DACH1: variants seen among roughly 807,000 people sequenced by gnomAD.
The protein encoded by DACH1 is dachshund homolog 1.
In DACH1, 12 loss-of-function variants were observed where a neutral mutation model predicts 54.2. That is an observed-to-expected ratio of 0.22 (90% CI 0.14 to 0.36). DACH1 has a LOEUF of 0.36. DACH1 is among the 10% of genes least tolerant of loss of function. The probability of loss-of-function intolerance (pLI) is 1.00; values close to 1 mark genes in which losing one functional copy is unlikely to be tolerated. For synonymous variants in DACH1, 386 were observed against 366.2 expected, an observed-to-expected ratio of 1.05 and a Z score of -0.62; for missense variants, 805 against 929.8, an observed-to-expected ratio of 0.87 and a Z score of 1.75.
At chr13:71,773,911 A>C (rs1448677329) in intron 1 of DACH1, among the ~76,000 whole-genome samples, 1 of 151,838 alleles carries the variant, frequency 6.6e-6, no homozygotes, top group Non-Finnish European at 1.5e-5. Flanking sequence ...GTTTATCTTT[A>C]AGGCTTTAAT....
chr13:71,458,007 T>G (rs956127227), intron 10 of DACH1, among the ~76,000 whole-genome samples: 2 of 151,976 alleles, frequency 1.3e-5, no homozygotes. Context: ...GCTTTTGCAT[T>G]TTCTTAGTAC....
At chr13:71,504,038 A>G (rs1399412920) in intron 6 of DACH1, among the ~76,000 whole-genome samples, 1 of 152,308 alleles carries the variant, frequency 6.6e-6, no homozygotes, top group Admixed American at 6.5e-5. Context: ...GCATAAAAAC[A>G]TAATGTAAAT....
chr13:71,542,282 C>T (rs1339069622), intron 6 of DACH1, among the ~76,000 whole-genome samples: 2 of 151,898 alleles, frequency 1.3e-5, no homozygotes, highest in East Asian at 1.9e-4. Context: ...TAGATACATA[C>T]ATACATACTT....
chr13:71,549,604 A>G (rs1883678215), intron 6 of DACH1, among the ~76,000 whole-genome samples: 1 of 152,186 alleles, frequency 6.6e-6, no homozygotes, highest in Admixed American at 6.6e-5. Context: ...GATGTACTGG[A>G]GATATAATTG....
intron 1 of DACH1, among the ~76,000 whole-genome samples, chr13:71,805,677 T>C (rs1159305435): frequency 6.6e-6 from 1 of 152,214 alleles, no homozygotes; most frequent in Non-Finnish European, 1.5e-5. Context: ...TAGAGTCTTC[T>C]GAAAATGCTT....
chr13:71,465,245 T>C (rs1876464301), intron 10 of DACH1, among the ~76,000 whole-genome samples: 2 of 152,150 alleles, frequency 1.3e-5, no homozygotes, highest in Admixed American at 1.3e-4. Context: ...TCCATAACCA[T>C]GCATTTGTAT....
At chr13:71,841,563 T>A (rs1172323328) in intron 1 of DACH1, among the ~76,000 whole-genome samples, 1 of 152,160 alleles carries the variant, frequency 6.6e-6, no homozygotes, top group Admixed American at 6.5e-5. Flanking sequence ...AACTGTGAAA[T>A]GTAGGTGAAA....
At chr13:71,573,627 A>G (rs1391217709) in intron 3 of DACH1, 2 of 444,820 alleles carry the variant, frequency 4.5e-6, no homozygotes, top group African/African-American at 4.1e-5. Flanking sequence ...AAATCTTCCA[A>G]TGACTAACTT....
intron 6 of DACH1, among the ~76,000 whole-genome samples, chr13:71,534,749 A>G (rs1300860902): frequency 6.6e-6 from 1 of 151,928 alleles, no homozygotes; most frequent in Non-Finnish European, 1.5e-5. Context: ...ACTAAATTCC[A>G]TTGTCATACA....
At chr13:71,613,443 T>TTCA in intron 3 of DACH1, among the ~76,000 whole-genome samples, 1 of 152,180 alleles carries the variant, frequency 6.6e-6, no homozygotes, top group East Asian at 1.9e-4. Flanking sequence ...AAGGAAATCT[T>TTCA]ATGAATGAAT....
chr13:71,766,272 TCA>T (rs975093088), intron 1 of DACH1, among the ~76,000 whole-genome samples: 1 of 152,220 alleles, frequency 6.6e-6, no homozygotes, highest in Non-Finnish European at 1.5e-5. Context: ...CTTCAGGTTG[TCA>T]CCTGTAGCCT....
intron 1 of DACH1, among the ~76,000 whole-genome samples, chr13:71,708,118 G>GAA (rs770113102): frequency 4.7e-5 from 6 of 128,902 alleles, no homozygotes; most frequent in Admixed American, 1.6e-4. Context: ...AACCAAAAAT[G>GAA]AAAAAAAAAA....
At chr13:71,807,712 C>T (rs796920122) in intron 1 of DACH1, among the ~76,000 whole-genome samples, 26 of 152,058 alleles carry the variant, frequency 1.7e-4, no homozygotes, top group African/African-American at 5.8e-4. Flanking sequence ...AATTGATTTC[C>T]TGAAAATTGA....
intron 6 of DACH1, among the ~76,000 whole-genome samples, chr13:71,491,997 A>T (rs1455869544): frequency 1.3e-5 from 2 of 152,158 alleles, no homozygotes; most frequent in African/African-American, 4.8e-5. Flanking sequence ...ATATCTGTAC[A>T]TATTTCTAAG....
chr13:71,719,570 T>A (rs887782334), intron 1 of DACH1, among the ~76,000 whole-genome samples: 11 of 152,218 alleles, frequency 7.2e-5, no homozygotes, highest in African/African-American at 2.7e-4. Context: ...CCTATATTTT[T>A]CTTTTGGGTA....
intron 1 of DACH1, among the ~76,000 whole-genome samples, chr13:71,817,814 CTTT>C (rs34031888): frequency 5.0e-5 from 6 of 119,074 alleles, no homozygotes; most frequent in Admixed American, 9.8e-5. Context: ...TTCTTTCTTC[CTTT>C]TTTTTTTTTT....
intron 7 of DACH1, among the ~76,000 whole-genome samples, chr13:71,482,163 C>A (rs1458128810): frequency 6.6e-6 from 1 of 151,964 alleles, no homozygotes; most frequent in East Asian, 1.9e-4. Context: ...GGTTGTTATA[C>A]TACATAAATG....
At chr13:71,823,685 A>T (rs1888277916) in intron 1 of DACH1, among the ~76,000 whole-genome samples, 1 of 152,006 alleles carries the variant, frequency 6.6e-6, no homozygotes, top group Admixed American at 6.6e-5. Context: ...TTGTTTGAAA[A>T]GGCATTTCAA....
chr13:71,854,083 A>T (rs1023263182), intron 1 of DACH1, among the ~76,000 whole-genome samples: 1 of 152,166 alleles, frequency 6.6e-6, no homozygotes, highest in African/African-American at 2.4e-5. Flanking sequence ...AAAGAGAGCA[A>T]AAAAGTTTAC....
Sources: gnomAD v4.1 joint callset for allele counts (sites outside exome capture counted in the v4.1 genomes callset) on GRCh38, gnomAD v4.1.1 for gene constraint, MANE v1.5 for transcripts, NCBI Gene and HGNC (gene_info 2026-07-23, HGNC 2026-07-21) for gene names.